Variants in PARN observed in about 807,000 individuals in gnomAD.
PARN encodes the protein poly(A)-specific ribonuclease, also known as poly(A)-specific ribonuclease PARN.
PARN carries 71 observed loss-of-function variants against 102.8 expected under a neutral mutation model. The observed-to-expected ratio is 0.69, with a 90% CI of 0.57 to 0.84. PARN has a LOEUF of 0.84. PARN is among the 40% of genes least tolerant of loss of function. The pLI, the probability that PARN is intolerant of heterozygous loss-of-function variation, is 0.00. For synonymous variants in PARN, 261 were observed against 252.9 expected (o/e 1.03, Z -0.30); for missense variants, 782 against 760.9 (o/e 1.03, Z -0.33).
intron 19 of PARN, among the ~76,000 whole-genome samples, chr16:14,554,684 T>C (rs1209133239): frequency 6.6e-6 from 1 of 151,394 alleles, no homozygotes; most frequent in Non-Finnish European, 1.5e-5. Context: ...CCTCAAGTGA[T>C]CCTCCCACCT....
chr16:14,584,759 T>G lies in PARN; in HGVS notation c.995A>C (p.Gln332Pro), dbSNP rs1969741531. The stretch of plus-strand genomic sequence containing the variant: ...GCAAATGAATAATACCTTAAAAGGT[T>G]GTGTGCTGGCCATCAATTTAGTATC... ...LLDTKLMAST[Q>P]PFKDIINNTS... The change falls in exon 15 of 24, where the codon CAA (glutamine) becomes CCA (proline). Residue 332 changes from glutamine (Q) to proline (P), a missense_variant. By Grantham distance (76) the Gln-to-Pro change is moderately conservative. Coordinates refer to ENST00000437198, the MANE Select transcript of PARN (RefSeq NM_002582.4). 2 of 1,573,440 alleles carry G rather than the reference T, an allele frequency of 1.3e-6. No homozygotes were observed.
chr16:14,597,209 A>G (rs892699878), intron 12 of PARN, among the ~76,000 whole-genome samples: 5 of 152,226 alleles, frequency 3.3e-5, no homozygotes, highest in African/African-American at 1.2e-4. Flanking sequence ...AGACGATAAT[A>G]TTAGTAGGCA....
At chr16:14,556,901 C>T (rs1383279353) in intron 18 of PARN, among the ~76,000 whole-genome samples, 1 of 152,012 alleles carries the variant, frequency 6.6e-6, no homozygotes, top group South Asian at 2.1e-4. Context: ...ATTTAAAACA[C>T]ACTAAAAGCA....
intron 23 of PARN, among the ~76,000 whole-genome samples, chr16:14,440,688 G>T (rs1340306919): frequency 1.3e-5 from 2 of 152,182 alleles, no homozygotes; most frequent in African/African-American, 4.8e-5. Context: ...GTGTACTGAG[G>T]ATACACGCAC....
intron 18 of PARN, among the ~76,000 whole-genome samples, chr16:14,560,070 A>G (rs927905340): frequency 6.6e-6 from 1 of 152,350 alleles, no homozygotes; most frequent in Non-Finnish European, 1.5e-5. Context: ...GGCATGCCTC[A>G]TCCCAGCTGG....
intron 16 of PARN, among the ~76,000 whole-genome samples, chr16:14,583,358 T>C (rs1415890217): frequency 6.6e-6 from 1 of 152,206 alleles, no homozygotes; most frequent in African/African-American, 2.4e-5. Flanking sequence ...ATGAAAAGGC[T>C]GTAACTGTTT....
intron 6 of PARN, among the ~76,000 whole-genome samples, chr16:14,612,027 G>C (rs1971546946): frequency 6.6e-6 from 1 of 152,170 alleles, no homozygotes; most frequent in Non-Finnish European, 1.5e-5. Context: ...GTGGGCTCTT[G>C]TTTGTAACCC....
At chr16:14,437,955 A>C (rs762837554) in intron 23 of PARN, among the ~76,000 whole-genome samples, 44 of 152,340 alleles carry the variant, frequency 2.9e-4, no homozygotes, top group Middle Eastern at 6.8e-3. Flanking sequence ...CTGATCATTT[A>C]CTGTGATAAG....
At chr16:14,580,449 G>A (rs573736404) in intron 18 of PARN, among the ~76,000 whole-genome samples, 1 of 152,068 alleles carries the variant, frequency 6.6e-6, no homozygotes, top group South Asian at 2.1e-4. Context: ...CACCACGCCT[G>A]GCTAATTTTT....
rs1960973155 is a variant in PARN at position 14,442,261 on chromosome 16, A to G, written c.1864+4627T>C. On this transcript the variant is annotated intron_variant, in intron 23 of 23. Coordinates refer to ENST00000437198, the MANE Select transcript of PARN (RefSeq NM_002582.4). Reference sequence around the variant, plus strand: ...TTCTCCAGGTCCCAGGAACACATCAACAAGAACAAGTATGTGACAGAAATC... The same window carrying G: ...TTCTCCAGGTCCCAGGAACACATCAGCAAGAACAAGTATGTGACAGAAATC... Among the ~76,000 whole-genome samples the G allele has an allele frequency of 2.0e-5, 3 of 152,308 alleles. No individual in the cohort carries two copies. The South Asian group carries it at 6.2e-4, about 32-fold the overall frequency.
At chr16:14,474,389 A>G (rs1280972481) in intron 22 of PARN, among the ~76,000 whole-genome samples, 2 of 152,196 alleles carry the variant, frequency 1.3e-5, no homozygotes, top group African/African-American at 4.8e-5. Context: ...GATTTACTGT[A>G]TGTTCCTAAA....
intron 22 of PARN, among the ~76,000 whole-genome samples, chr16:14,455,254 G>A (rs1034792971): frequency 4.6e-5 from 7 of 152,170 alleles, no homozygotes; most frequent in African/African-American, 1.7e-4. Context: ...CTGCAGTTAG[G>A]ATTTAGACTA....
At chr16:14,526,183 T>TG in intron 21 of PARN, among the ~76,000 whole-genome samples, 1 of 151,090 alleles carries the variant, frequency 6.6e-6, no homozygotes, top group East Asian at 2.0e-4. Flanking sequence ...TCCACTGTTT[T>TG]TTTTTTTTTT....
At chr16:14,545,925 G>A (rs72787679) in intron 21 of PARN, among the ~76,000 whole-genome samples, 32,997 of 151,806 alleles carry the variant, frequency 0.22, 3,949 homozygotes, top group Middle Eastern at 0.31. Context: ...AAGAAACTGA[G>A]AAAAGAAGAG....
intron 21 of PARN, among the ~76,000 whole-genome samples, chr16:14,506,966 GAA>G (rs34337638): frequency 2.0e-5 from 3 of 152,104 alleles, no homozygotes; most frequent in African/African-American, 7.2e-5. Context: ...GAATGGTTTT[GAA>G]AAAGACTTAA....
chr16:14,616,782 T>TATAAAAAATAAAC (rs1166163371), intron 6 of PARN, among the ~76,000 whole-genome samples: 14 of 152,022 alleles, frequency 9.2e-5, no homozygotes, highest in South Asian at 2.1e-4. Context: ...GCAGAGGGGT[T>TATAAAAAATAAAC]ATAAAAAATA....
intron 23 of PARN, 45 bp downstream of exon 23, chr16:14,446,843 T>A (rs1209223499): frequency 2.8e-6 from 4 of 1,425,888 alleles, no homozygotes; most frequent in Non-Finnish European, 3.8e-6. Flanking sequence ...CTAGAGCATT[T>A]AAATAGTCCA....
chr16:14,464,441 C>T (rs923978851), intron 22 of PARN, among the ~76,000 whole-genome samples: 1 of 152,088 alleles, frequency 6.6e-6, no homozygotes, highest in Admixed American at 6.6e-5. Flanking sequence ...GAATTCTATA[C>T]CCAGCAAAAA....
At chr16:14,572,333 A>C (rs1454895643) in intron 18 of PARN, among the ~76,000 whole-genome samples, 1 of 152,144 alleles carries the variant, frequency 6.6e-6, no homozygotes, top group East Asian at 1.9e-4. Flanking sequence ...AGGGCTGGGA[A>C]GAAATCTTTT....
Sources: allele counts gnomAD v4.1 joint callset (sites outside exome capture counted in the v4.1 genomes callset), GRCh38; gene constraint gnomAD v4.1.1; transcripts MANE v1.5; gene names NCBI Gene and HGNC (gene_info 2026-07-23, HGNC 2026-07-21).